Variants in SLC25A42 observed in about 807,000 individuals in gnomAD.
SLC25A42 encodes solute carrier family 25 member 42.
In SLC25A42, 19 loss-of-function variants were observed where a neutral mutation model predicts 34.7. The ratio of observed to expected loss-of-function variants is 0.55; its 90% CI spans 0.38 to 0.80. The LOEUF (loss-of-function observed/expected upper bound fraction) is 0.80. SLC25A42 is among the 30% of genes least tolerant of loss of function. The pLI is 0.00. For synonymous variants in SLC25A42, 205 were observed against 191.2 expected (o/e 1.07, Z -0.59); for missense variants, 364 against 441.3 (o/e 0.82, Z 1.57).
rs76580632 is a variant in SLC25A42 at position 19,096,087 on chromosome 19, C to A, written c.-34-4C>A. ...TATCTTACCACCTCCCCTTACCCCC[C>A]CAGGACCGAGTCTCCTGCCATTCCG... On this transcript the variant is annotated splice_region_variant and splice_polypyrimidine_tract_variant and intron_variant, in intron 1 of 7. Transcript: ENST00000318596. The A allele has an allele frequency of 7.6e-6, 12 of 1,587,058 alleles. No individual in the cohort carries two copies. The highest frequency in any genetic ancestry group is 3.3e-5 in the South Asian group (3 of 90,264).
chr19:19,105,044 G>C, intron 4 of SLC25A42, 106 bp downstream of exon 4: 1 of 1,328,842 alleles, frequency 7.5e-7, no homozygotes, highest in South Asian at 1.2e-5. Context: ...GGTGGGGACA[G>C]GACTACCTGT....
intron 1 of SLC25A42, among the ~76,000 whole-genome samples, chr19:19,091,301 A>G (rs1307035821): frequency 1.3e-5 from 2 of 152,016 alleles, no homozygotes; most frequent in African/African-American, 2.4e-5. Context: ...TACTAAAAAT[A>G]CAAAAACTTA....
chr19:19,102,451 T>TC (rs1837364842), intron 3 of SLC25A42, among the ~76,000 whole-genome samples: 1 of 151,892 alleles, frequency 6.6e-6, no homozygotes, highest in Non-Finnish European at 1.5e-5. Context: ...CTCTTTAAAA[T>TC]CCACTCAGAG....
At chr19:19,099,801 C>T (rs1017501812) in intron 2 of SLC25A42, among the ~76,000 whole-genome samples, 2 of 152,028 alleles carry the variant, frequency 1.3e-5, no homozygotes, top group African/African-American at 4.8e-5. Context: ...AATCACGGCT[C>T]ACTGCAACCT....
chr19:19,065,538 G>C (rs1408483118), intron 1 of SLC25A42, among the ~76,000 whole-genome samples: 1 of 152,288 alleles, frequency 6.6e-6, no homozygotes, highest in Admixed American at 6.5e-5. Context: ...GCCATTTCCT[G>C]TAAGGCTCCT....
At chr19:19,079,739 T>C (rs1178370004) in intron 1 of SLC25A42, among the ~76,000 whole-genome samples, 1 of 152,196 alleles carries the variant, frequency 6.6e-6, no homozygotes. Flanking sequence ...TTCATTGTTG[T>C]TGCTATTGTT....
At chr19:19,074,954 C>A (rs1269298790) in intron 1 of SLC25A42, among the ~76,000 whole-genome samples, 1 of 151,928 alleles carries the variant, frequency 6.6e-6, no homozygotes, top group Non-Finnish European at 1.5e-5. Context: ...AGTTTGAGAC[C>A]AGCCTGGGCA....
At chr19:19,106,807 C>T (rs1332118431) in intron 6 of SLC25A42, 1 of 152,144 alleles carries the variant, frequency 6.6e-6, no homozygotes, top group Admixed American at 6.6e-5. Context: ...GTGACACGCA[C>T]CTGTACTCCC....
At position 19,081,967 on chromosome 19, in the gene SLC25A42, C is replaced by T. The variant is rs1015704206; in HGVS notation, c.-34-14124C>T. On this transcript the variant is annotated intron_variant, in intron 1 of 7. Coordinates refer to ENST00000318596, the MANE Select transcript of SLC25A42 (RefSeq NM_178526.5). The surrounding 1 kb of genome is among the most constrained non-coding windows in gnomAD (Gnocchi z 4.5). ...GTCACTGGTCGCAAGTCTGGGTACA[C>T]GTTGTCATGGGAGTGATTGGCCTCC... Among the ~76,000 whole-genome samples, 3 of 152,172 alleles carry T rather than the reference C, an allele frequency of 2.0e-5. No homozygotes were observed. Among genetic ancestry groups the T allele is most frequent in the Admixed American group, 6.6e-5 (1 of 15,266 alleles).
chr19:19,109,718 T>C lies in SLC25A42; in HGVS notation c.650-851T>C. ...AAAGTGCTGAGATTACAGGCGTGAG[T>C]CACTGCACCCAGCCTTGGCTGTTTT... On this transcript the variant is annotated intron_variant, in intron 7 of 7. Transcript: ENST00000318596. The surrounding 1 kb of genome is among the most constrained non-coding windows in gnomAD (Gnocchi z 4.1). Among the ~76,000 whole-genome samples, 1 of 152,040 alleles carries C rather than the reference T, an allele frequency of 6.6e-6. No individual in the cohort carries two copies. The highest frequency in any genetic ancestry group is 1.5e-5 in the Non-Finnish European group (1 of 68,004).
chr19:19,091,314 C>T (rs755146372), intron 1 of SLC25A42, among the ~76,000 whole-genome samples: 3 of 151,862 alleles, frequency 2.0e-5, no homozygotes, highest in African/African-American at 2.4e-5. Flanking sequence ...AAAACTTAGC[C>T]GGGCATGGTG....
rs1340269566 is a variant in SLC25A42 at position 19,109,176 on chromosome 19, C to T, written c.649+1131C>T. ...CTCAGCTGGTTTGGGGTGCATCCACCAGCATCTGTGCTCTGTTCCGCCTTT... is the reference window on the plus strand; with the variant it reads ...CTCAGCTGGTTTGGGGTGCATCCACTAGCATCTGTGCTCTGTTCCGCCTTT... On this transcript the variant is annotated intron_variant, in intron 7 of 7. Transcript: ENST00000318596. The surrounding 1 kb of genome is among the most constrained non-coding windows in gnomAD (Gnocchi z 4.1). Among the ~76,000 whole-genome samples the T allele has an allele frequency of 6.6e-6, 1 of 152,234 alleles. No homozygotes were observed. Among genetic ancestry groups the T allele is most frequent in the Non-Finnish European group, 1.5e-5 (1 of 68,036 alleles).
intron 1 of SLC25A42, among the ~76,000 whole-genome samples, chr19:19,092,279 G>A (rs1259575174): frequency 6.6e-6 from 1 of 152,202 alleles, no homozygotes; most frequent in Non-Finnish European, 1.5e-5. Flanking sequence ...TGGGGGCAGG[G>A]TGTATCTTTC....
chr19:19,075,190 G>T (rs1458910198), intron 1 of SLC25A42, among the ~76,000 whole-genome samples: 1 of 151,976 alleles, frequency 6.6e-6, no homozygotes, highest in Non-Finnish European at 1.5e-5. Flanking sequence ...CCTCTCCCAA[G>T]CAACTGTCAA....
rs2059821795 is a variant in SLC25A42, at chr19:19,105,612, T to C, written c.265T>C (p.Leu89=). 1.9e-6 allele frequency: 3 copies of C among 1,614,034 alleles called. No homozygotes were observed. Among genetic ancestry groups the C allele is most frequent in the Non-Finnish European group, 2.5e-6 (3 of 1,179,970 alleles). The change falls in exon 5 of 8, where the codon TTG becomes CTG. Residue 89 remains leucine (L), a synonymous_variant. Coordinates refer to ENST00000318596, the MANE Select transcript of SLC25A42 (RefSeq NM_178526.5). ...CTACCTCAACGAGGGATTTCTCAGC[T>C]TGTGGCGCGGGAACTCGGCCACCAT... The part of the protein sequence containing the change: ...YTYLNEGFLS[L]WRGNSATMVR...
chr19:19,091,645 G>A (rs186735567), intron 1 of SLC25A42, among the ~76,000 whole-genome samples: 1 of 152,222 alleles, frequency 6.6e-6, no homozygotes, highest in East Asian at 1.9e-4. Context: ...GGGAGGCTGA[G>A]GCAGGAGGAC....
chr19:19,073,335 C>G (rs2059639889), intron 1 of SLC25A42, among the ~76,000 whole-genome samples: 1 of 152,126 alleles, frequency 6.6e-6, no homozygotes. Context: ...GAGAGTGGCC[C>G]CTCAAGTGCA....
Position 19,108,055 on chromosome 19 carries a change from G to A in SLC25A42, c.649+10G>A. On this transcript the variant is annotated intron_variant, in intron 7 of 7. Coordinates refer to ENST00000318596, the MANE Select transcript of SLC25A42 (RefSeq NM_178526.5). ...AAGAGCTTGCACAGAGGTAAGGAGA[G>A]CTGGGAGCATGAGGAGGGGACGTTC... 1 of 1,546,218 alleles carries A rather than the reference G, an allele frequency of 6.5e-7. No individual in the cohort carries two copies. Among genetic ancestry groups the A allele is most frequent in the Non-Finnish European group, 8.7e-7 (1 of 1,143,488 alleles).
rs1465788072 is a variant in SLC25A42, at chr19:19,081,185, G to A, written c.-34-14906G>A. Among the ~76,000 whole-genome samples the A allele has an allele frequency of 6.6e-6, 1 of 151,688 alleles. No homozygotes were observed. The highest frequency in any genetic ancestry group is 1.5e-5 in the Non-Finnish European group (1 of 67,896). On this transcript the variant is annotated intron_variant, in intron 1 of 7. Coordinates refer to ENST00000318596, the MANE Select transcript of SLC25A42 (RefSeq NM_178526.5). This position sits in a 1 kb window ranked among gnomAD's most constrained non-coding sequence, Gnocchi z 4.5. ...AGGAAGGGAGGGAAAGAGAGGAAGG[G>A]AAGAAGGAGAAATACCCTCCCCACA...
Sources: gnomAD v4.1 joint callset for allele counts (sites outside exome capture counted in the v4.1 genomes callset) on GRCh38, gnomAD v4.1.1 for gene constraint, Gnocchi (gnomAD v3.1) non-coding constraint, MANE v1.5 for transcripts, NCBI Gene and HGNC (gene_info 2026-07-23, HGNC 2026-07-21) for gene names.